Variants in MAB21L4 observed in about 807,000 individuals in gnomAD.
The protein encoded by MAB21L4 is protein mab-21-like 4.
A neutral mutation model predicts 32.4 loss-of-function variants in MAB21L4; 25 were observed. The observed-to-expected ratio is 0.77, with a 90% confidence interval of 0.56 to 1.08. MAB21L4 has a LOEUF of 1.08. MAB21L4 is among the 50% of genes least tolerant of loss of function. MAB21L4 has a pLI of 0.00. For synonymous variants in MAB21L4, 280 were observed against 276.8 expected (o/e 1.01, Z -0.11); for missense variants, 638 against 611.0 (o/e 1.04, Z -0.47).
chr2:240,887,423 C>T (rs1167881934), intron 4 of MAB21L4, among the ~76,000 whole-genome samples: 2 of 152,358 alleles, frequency 1.3e-5, no homozygotes, highest in East Asian at 3.9e-4. Flanking sequence ...TGCTTGAAGG[C>T]TGCCTCCGGT....
chr2:240,890,904 G>A (rs557739402), intron 2 of MAB21L4, among the ~76,000 whole-genome samples: 13 of 152,340 alleles, frequency 8.5e-5, no homozygotes, highest in Admixed American at 3.3e-4. Flanking sequence ...GGTGACTGGC[G>A]CTCCGCTGAG....
At chr2:240,888,728 C>A (rs1032652788) in intron 3 of MAB21L4, 80 bp from the exon 4 acceptor site, 1 of 994,818 alleles carries the variant, frequency 1.0e-6, no homozygotes, top group Admixed American at 3.1e-5. Flanking sequence ...CCCACCCTCA[C>A]CCTGGCTGCC....
intron 3 of MAB21L4, 25 bp downstream of exon 3, chr2:240,889,980 A>C (rs1574723814): frequency 6.3e-7 from 1 of 1,587,472 alleles, no homozygotes; most frequent in Middle Eastern, 1.7e-4. Context: ...GTGACAGACA[A>C]CCCGCCGAGT....
chr2:240,896,735 C>T (rs1436722476), upstream of MAB21L4: 1 of 152,510 alleles, frequency 6.6e-6, no homozygotes, highest in Non-Finnish European at 1.5e-5. Context: ...GGCCCTGGAC[C>T]CCTGGGCTAC....
In MAB21L4 at chr2:240,888,289, C is replaced by A. The variant is rs756713067; in HGVS notation, c.1251+3G>T. On this transcript the variant is annotated splice_donor_region_variant and intron_variant, in intron 4 of 4. Transcript: ENST00000388934. ...GCCCAAGGCCCCCGCAGCCAGCACCCACCTTGTCCAGCAGGACGTCGAAGT... is the reference window on the plus strand; with the variant it reads ...GCCCAAGGCCCCCGCAGCCAGCACCAACCTTGTCCAGCAGGACGTCGAAGT... 1 of 1,545,188 alleles carries A rather than the reference C, an allele frequency of 6.5e-7. No individual in the cohort carries two copies. Among genetic ancestry groups the A allele is most frequent in the South Asian group, 1.3e-5 (1 of 79,106 alleles).
chr2:240,890,350 G>A (rs777145316), intron 2 of MAB21L4, among the ~76,000 whole-genome samples, 192 bp from the exon 3 acceptor site: 5 of 152,186 alleles, frequency 3.3e-5, no homozygotes, highest in Admixed American at 2.0e-4. Flanking sequence ...CCTGCTTTTC[G>A]TGGAGACTCC....
At position 240,886,573 on chromosome 2, in the gene MAB21L4, A is replaced by G. The variant is rs1252215787; in HGVS notation, c.*497T>C. ...GAAGGGGGTCATTCACAGAGAATGG[A>G]GAAGACTCAAAATTATCCATCAGCA... On this transcript the variant is annotated 3_prime_UTR_variant, in exon 5 of 5. Coordinates refer to ENST00000388934, the MANE Select transcript of MAB21L4 (RefSeq NM_001085437.3). 6.5e-6 allele frequency: 1 copy of G among 152,992 alleles called. No individual in the cohort carries two copies. Among genetic ancestry groups the G allele is most frequent in the Non-Finnish European group, 1.5e-5 (1 of 68,606 alleles). The allele number at this position is 152,992 out of a possible 1,614,324, so 9.5% of individuals were successfully genotyped here. A position where few individuals can be genotyped will look rare whatever the true frequency, so the allele number is the denominator to read the frequency against.
intron 3 of MAB21L4, 148 bp downstream of exon 3, chr2:240,889,857 A>G (rs2059128454): frequency 1.0e-6 from 1 of 969,414 alleles, no homozygotes; most frequent in East Asian, 2.7e-5. Flanking sequence ...CCTCCTCAGA[A>G]CCTGGGCAGG....
At position 240,891,532 on chromosome 2, in the gene MAB21L4, G is replaced by A. The variant is rs148917892; in HGVS notation, c.740+6C>T. The A allele has an allele frequency of 7.1e-5, 113 of 1,601,582 alleles. No homozygotes were observed. The highest frequency in any genetic ancestry group is 6.7e-5 in the East Asian group (3 of 44,696). On this transcript the variant is annotated splice_donor_region_variant and intron_variant, in intron 2 of 4. Transcript: ENST00000388934. ...AAGAACCTTGTGACCAGGAGGGTGC[G>A]CCTACCTCCAGAGCTGGGCGCTGGC...
intron 1 of MAB21L4, among the ~76,000 whole-genome samples, chr2:240,894,514 C>T (rs2059174376): frequency 6.6e-6 from 1 of 152,182 alleles, no homozygotes; most frequent in African/African-American, 2.4e-5. Context: ...CAACAAGGCC[C>T]CAAAGGTGGG....
intron 1 of MAB21L4, 170 bp from the exon 2 acceptor site, chr2:240,891,933 T>A (rs2059154586): frequency 6.4e-7 from 1 of 1,567,868 alleles, no homozygotes; most frequent in African/African-American, 1.4e-5. Flanking sequence ...CAGACACCTG[T>A]GTCCATCCCT....
rs2059130320 is a variant in MAB21L4, at chr2:240,890,044, G to C, written c.855C>G (p.Asp285Glu). Residue 285 changes from aspartate (D) to glutamate (E), a missense_variant, in exon 3 of 5, where the codon GAC (aspartate) becomes GAG (glutamate). By Grantham distance (45) the Asp-to-Glu change is conservative. Coordinates refer to ENST00000388934, the MANE Select transcript of MAB21L4 (RefSeq NM_001085437.3). Reference sequence around the variant, plus strand: ...AGGTCAGGCCGTCAGTCTGGCCACTGTCACGCCAGCTCTCGTGGTTGACCC... The same window carrying C: ...AGGTCAGGCCGTCAGTCTGGCCACTCTCACGCCAGCTCTCGTGGTTGACCC... Reference protein sequence around the residue: ...LDRVNHESWRDSGQTDGLTFG... With the variant: ...LDRVNHESWRESGQTDGLTFG... 1 of 1,613,136 alleles carries C rather than the reference G, an allele frequency of 6.2e-7. No individual in the cohort carries two copies. The highest frequency in any genetic ancestry group is 8.5e-7 in the Non-Finnish European group (1 of 1,179,512).
chr2:240,891,735 C>A lies in MAB21L4; in HGVS notation c.543G>T (p.Glu181Asp), dbSNP rs201209605. Residue 181 changes from glutamate to aspartate, a missense_variant, in exon 2 of 5, where the codon GAG becomes GAT. Coordinates refer to ENST00000388934, the MANE Select transcript of MAB21L4 (RefSeq NM_001085437.3). The stretch of plus-strand genomic sequence containing the variant: ...CCAGCAAGGACAGGTGGAGCTGCTC[C>A]TCCCTCAGGCTGGCCGCGTTCAGCG... ...PGSLNAASLR[E>D]EQLHLSLLVS... The A allele has an allele frequency of 2.4e-5, 38 of 1,609,508 alleles. 1 individual carries two copies. The South Asian group carries it at 3.8e-4, about 16-fold the overall frequency.
At chr2:240,895,371 G>T (rs1451340016) in intron 1 of MAB21L4, 113 bp downstream of exon 1, 1 of 1,055,750 alleles carries the variant, frequency 9.5e-7, no homozygotes, top group Non-Finnish European at 1.3e-6. Flanking sequence ...GCCACCCTGT[G>T]TGCACGTACA....
In MAB21L4 at chr2:240,886,939, G is replaced by T; in HGVS notation, c.*131C>A. 1 of 682,768 alleles carries T rather than the reference G, an allele frequency of 1.5e-6. No homozygotes were observed. Among genetic ancestry groups the T allele is most frequent in the Non-Finnish European group, 2.5e-6 (1 of 402,732 alleles). The allele number at this position is 682,768 out of a possible 1,614,324, so 42.3% of individuals were successfully genotyped here. ...AAGACTCTCAGAGGCCACTGCTGGGGACAAAATCCCTCCACTACCCCCTCA... is the reference window on the plus strand; with the variant it reads ...AAGACTCTCAGAGGCCACTGCTGGGTACAAAATCCCTCCACTACCCCCTCA... On this transcript the variant is annotated 3_prime_UTR_variant, in exon 5 of 5. Transcript: ENST00000388934.
chr2:240,892,380 C>T (rs2059158173), intron 1 of MAB21L4, among the ~76,000 whole-genome samples: 1 of 150,056 alleles, frequency 6.7e-6, no homozygotes, highest in East Asian at 2.0e-4. Context: ...CCCCTGGAAG[C>T]TTCCCTGAGA....
chr2:240,893,740 A>ACTCTGGGGGCGTGAGGAGCCT (rs751586281), intron 1 of MAB21L4, among the ~76,000 whole-genome samples: 48,919 of 151,538 alleles, frequency 0.32, 8,468 homozygotes, highest in Non-Finnish European at 0.4. Flanking sequence ...CTCAGGAGGC[A>ACTCTGGGGGCGTGAGGAGCCT]CTCTGGGGGC....
chr2:240,888,412 G>A lies in MAB21L4; in HGVS notation c.1131C>T (p.Ala377=). Residue 377 remains alanine, a synonymous_variant, in exon 4 of 5, where the codon GCC becomes GCT. Transcript: ENST00000388934. ...SQPEAALRIH[A]THLGRSPPPR... ...GCGGGGGGCTGCGGCCCAGGTGGGTGGCGTGGATGCGCAGGGCCGCCTCGG... is the reference window on the plus strand; with the variant it reads ...GCGGGGGGCTGCGGCCCAGGTGGGTAGCGTGGATGCGCAGGGCCGCCTCGG... The A allele has an allele frequency of 2.6e-6, 4 of 1,557,382 alleles. No individual in the cohort carries two copies. In the South Asian group the frequency reaches 3.6e-5, roughly 14 times the overall value.
chr2:240,893,646 A>G (rs1209949633), intron 1 of MAB21L4, among the ~76,000 whole-genome samples: 1 of 152,090 alleles, frequency 6.6e-6, no homozygotes, highest in Non-Finnish European at 1.5e-5. Flanking sequence ...AGTGTCAGGA[A>G]ACGATGCCTG....
Sources: allele counts gnomAD v4.1 joint callset (sites outside exome capture counted in the v4.1 genomes callset), GRCh38; gene constraint gnomAD v4.1.1; transcripts MANE v1.5; gene names NCBI Gene and HGNC (gene_info 2026-07-23, HGNC 2026-07-21).